The following GSTCD variants were observed in gnomAD, a reference collection of about 807,000 sequenced individuals.
GSTCD encodes glutathione S-transferase C-terminal domain containing.
In GSTCD, 44 loss-of-function variants were observed where a neutral mutation model predicts 68.3. The ratio of observed to expected loss-of-function variants is 0.64; its 90% confidence interval spans 0.51 to 0.83. The LOEUF is 0.83. GSTCD is among the 40% of genes least tolerant of loss of function. GSTCD has a pLI of 0.00. For synonymous variants in GSTCD, 273 were observed against 255.2 expected (o/e 1.07, Z -0.67); for missense variants, 739 against 735.9 (o/e 1.00, Z -0.05).
chr4:105,754,789 A>T (rs11731714), intron 5 of GSTCD, among the ~76,000 whole-genome samples: 8,163 of 152,170 alleles, frequency 0.054, 254 homozygotes, highest in Middle Eastern at 0.14. Flanking sequence ...GTCACGGCCT[A>T]CCCCTTTTTA....
intron 5 of GSTCD, among the ~76,000 whole-genome samples, chr4:105,740,761 C>G (rs1478016652): frequency 6.6e-6 from 1 of 151,834 alleles, no homozygotes; most frequent in Non-Finnish European, 1.5e-5. Flanking sequence ...ATTTTTGTTC[C>G]AACTCTCCAA....
chr4:105,817,231 A>G (rs1453513164), intron 5 of GSTCD, among the ~76,000 whole-genome samples: 2 of 151,934 alleles, frequency 1.3e-5, no homozygotes, highest in African/African-American at 4.8e-5. Flanking sequence ...GAACAGTTCT[A>G]TATAGGCCAA....
At chr4:105,842,227 A>C in intron 11 of GSTCD, 93 bp downstream of exon 11, 1 of 917,136 alleles carries the variant, frequency 1.1e-6, no homozygotes, top group East Asian at 2.5e-5. Context: ...ATTTAGCAAC[A>C]TGAAGTCTAT....
At chr4:105,811,017 T>C (rs1722725312) in intron 5 of GSTCD, among the ~76,000 whole-genome samples, 1 of 152,118 alleles carries the variant, frequency 6.6e-6, no homozygotes, top group African/African-American at 2.4e-5. Context: ...AAAGCAATAT[T>C]TCCTGAAGTA....
intron 8 of GSTCD, among the ~76,000 whole-genome samples, chr4:105,833,799 T>C (rs1724000951): frequency 6.6e-6 from 1 of 152,204 alleles, no homozygotes; most frequent in African/African-American, 2.4e-5. Context: ...AAAATCGTTT[T>C]GAGTTATTTT....
rs147844368 is a variant in GSTCD at position 105,770,885 on chromosome 4, C to T, written c.1240+41386C>T. On this transcript the variant is annotated intron_variant, in intron 5 of 11. Coordinates refer to ENST00000515279, the MANE Select transcript of GSTCD (RefSeq NM_001370181.1). ...GATTTATAATCCTAAGGGTATATAC[C>T]CAATAATGGGATTGCTGGGTCAAAT... 9.7e-3 allele frequency among the ~76,000 whole-genome samples: 1,482 copies of T among 152,114 alleles called. 9 individuals are homozygous for T. Among genetic ancestry groups the T allele is most frequent in the Non-Finnish European group, 0.016 (1,079 of 67,996 alleles).
At chr4:105,832,301 A>G (rs1578520665) in intron 8 of GSTCD, among the ~76,000 whole-genome samples, 1 of 151,990 alleles carries the variant, frequency 6.6e-6, no homozygotes. Context: ...GTTATTTCTG[A>G]GTTTCATTTG....
At chr4:105,834,203 C>T (rs531928209) in intron 8 of GSTCD, among the ~76,000 whole-genome samples, 17 of 152,102 alleles carry the variant, frequency 1.1e-4, no homozygotes, top group Non-Finnish European at 2.2e-4. Flanking sequence ...GTTCCTGGAA[C>T]GATGCTATAG....
chr4:105,754,088 G>A (rs1734101041), intron 5 of GSTCD, among the ~76,000 whole-genome samples: 1 of 151,918 alleles, frequency 6.6e-6, no homozygotes. Flanking sequence ...GGCATTCTCT[G>A]TGCTATTCCA....
intron 5 of GSTCD, among the ~76,000 whole-genome samples, chr4:105,765,716 G>A (rs886419761): frequency 1.3e-5 from 2 of 152,158 alleles, no homozygotes; most frequent in Non-Finnish European, 2.9e-5. Flanking sequence ...TTGCGGGAGG[G>A]ACCTTGTGGG....
At chr4:105,790,254 A>G (rs1416531633) in intron 5 of GSTCD, among the ~76,000 whole-genome samples, 1 of 152,248 alleles carries the variant, frequency 6.6e-6, no homozygotes, top group African/African-American at 2.4e-5. Context: ...TATTTTTAAG[A>G]AAATGATAGA....
intron 5 of GSTCD, among the ~76,000 whole-genome samples, chr4:105,763,599 AG>A (rs1183704527): frequency 6.6e-6 from 1 of 152,188 alleles, no homozygotes; most frequent in African/African-American, 2.4e-5. Flanking sequence ...CACAAGCAAC[AG>A]TTTACATACC....
At chr4:105,712,161 G>A (rs1732558385) in intron 1 of GSTCD, among the ~76,000 whole-genome samples, 1 of 152,200 alleles carries the variant, frequency 6.6e-6, no homozygotes, top group Non-Finnish European at 1.5e-5. Context: ...ATTAAGCACT[G>A]GAGATGTTAT....
At chr4:105,831,798 T>A (rs1251748418) in intron 8 of GSTCD, among the ~76,000 whole-genome samples, 1 of 152,098 alleles carries the variant, frequency 6.6e-6, no homozygotes, top group Non-Finnish European at 1.5e-5. Flanking sequence ...TAGCTGGGTG[T>A]GGTGGTGGGC....
At chr4:105,726,082 A>T (rs1733020939) in intron 3 of GSTCD, among the ~76,000 whole-genome samples, 1 of 152,180 alleles carries the variant, frequency 6.6e-6, no homozygotes, top group Non-Finnish European at 1.5e-5. Context: ...CTACATTATA[A>T]TGTATAGCAA....
At chr4:105,744,248 C>A in intron 5 of GSTCD, among the ~76,000 whole-genome samples, 1 of 152,202 alleles carries the variant, frequency 6.6e-6, no homozygotes, top group Non-Finnish European at 1.5e-5. Flanking sequence ...TTATCCTTTT[C>A]AGTGCAGCCT....
chr4:105,731,743 A>G (rs866004846), intron 5 of GSTCD, among the ~76,000 whole-genome samples: 2 of 152,132 alleles, frequency 1.3e-5, no homozygotes, highest in Non-Finnish European at 2.9e-5. Flanking sequence ...AATAGGAGTG[A>G]TGAGAGAGGG....
At chr4:105,736,212 A>G (rs754638611) in intron 5 of GSTCD, among the ~76,000 whole-genome samples, 12 of 152,144 alleles carry the variant, frequency 7.9e-5, no homozygotes, top group Non-Finnish European at 1.8e-4. Context: ...TCATAGAGGT[A>G]TAATCCTGCT....
At chr4:105,757,906 G>A (rs926461464) in intron 5 of GSTCD, among the ~76,000 whole-genome samples, 1 of 152,024 alleles carries the variant, frequency 6.6e-6, no homozygotes. Flanking sequence ...AAACTAATTA[G>A]CCAAAATATG....
Sources: allele counts gnomAD v4.1 joint callset (sites outside exome capture counted in the v4.1 genomes callset), GRCh38; gene constraint gnomAD v4.1.1; transcripts MANE v1.5; gene names NCBI Gene and HGNC (gene_info 2026-07-23, HGNC 2026-07-21).